Variants in ATP2B3 observed in about 807,000 individuals in gnomAD.
The protein encoded by ATP2B3 is ATPase plasma membrane Ca2+ transporting 3.
In ATP2B3, 12 loss-of-function variants were observed where a neutral mutation model predicts 70.8. The observed-to-expected ratio is 0.17, with a 90% CI of 0.11 to 0.27. The LOEUF (loss-of-function observed/expected upper bound fraction) is 0.27. Ranked by LOEUF, ATP2B3 falls within the 10% of genes least tolerant of loss-of-function variation. The pLI is 1.00. For missense variants in ATP2B3, 858 were observed against 1,118.5 expected (o/e 0.77, Z 3.32); for synonymous variants, 460 against 497.8 (o/e 0.92, Z 1.01).
chrX:153,518,739 C>A (rs1284508123), intron 2 of ATP2B3, among the ~76,000 whole-genome samples, 188 bp downstream of exon 2: 1 of 111,303 alleles, frequency 9.0e-6, no homozygotes, highest in Non-Finnish European at 1.9e-5. Context: ...GCGGTGAGGG[C>A]TCCATGAGGG....
intron 12 of ATP2B3, among the ~76,000 whole-genome samples, chrX:153,551,828 C>G (rs2090461289): frequency 8.9e-6 from 1 of 112,647 alleles, no homozygotes; most frequent in Admixed American, 9.3e-5. Context: ...TCCCACTCAG[C>G]CTTCCCGGAC....
intron 3 of ATP2B3, 131 bp from the exon 4 acceptor site, chrX:153,541,228 G>A: frequency 2.6e-6 from 2 of 780,213 alleles, no homozygotes; most frequent in South Asian, 2.5e-5. Flanking sequence ...GCCAGGCGCT[G>A]GCCAGACGGC....
At chrX:153,534,365 A>G (rs2090159612) in intron 2 of ATP2B3, among the ~76,000 whole-genome samples, 1 of 111,876 alleles carries the variant, frequency 8.9e-6, no homozygotes, top group Admixed American at 9.4e-5. Context: ...TCGTCCACAC[A>G]GCACCCCCAG....
At chrX:153,543,939 G>T (rs1179527884) in intron 7 of ATP2B3, among the ~76,000 whole-genome samples, 1 of 111,519 alleles carries the variant, frequency 9.0e-6, no homozygotes. Context: ...CAGTGCGCGG[G>T]GTGTGGGGGC....
chrX:153,571,263 G>A lies in ATP2B3; in HGVS notation c.3342+6160G>A, dbSNP rs73629349. Among the ~76,000 whole-genome samples the A allele has an allele frequency of 6.5e-3, 733 of 112,555 alleles. 4 individuals are homozygous for A. Among genetic ancestry groups the A allele is most frequent in the African/African-American group, 0.023 (717 of 31,065 alleles). ...AGTCAGTTAAAGCCAGAAATGGTTC[G>A]TGGCCTCCCAGCACCTTCCTTCCTG... is the stretch of plus-strand genomic sequence containing the variant. On this transcript the variant is annotated intron_variant, in intron 21 of 21. Coordinates refer to ENST00000263519, the MANE Select transcript of ATP2B3 (RefSeq NM_001001344.3).
chrX:153,546,292 G>T (rs1241853038), intron 8 of ATP2B3, among the ~76,000 whole-genome samples, 163 bp downstream of exon 8: 2 of 112,258 alleles, frequency 1.8e-5, no homozygotes, highest in African/African-American at 6.5e-5. Flanking sequence ...TGCAGAGGGA[G>T]GAGAGAGCAC....
rs782630869 is a variant in ATP2B3, at chrX:153,542,458, AC to A, written c.790+13del. 8.3e-7 allele frequency: 1 copy of A among 1,206,696 alleles called. No individual in the cohort carries two copies. Among genetic ancestry groups the A allele is most frequent in the Non-Finnish European group, 1.1e-6 (1 of 893,570 alleles). ...CCCATGCTGCTCTCAGGTGAGGGCC[AC>A]CCTCCGGGCCAGCCTGGCACCAAGG... On this transcript the variant is annotated intron_variant, in intron 6 of 21. Coordinates refer to ENST00000263519, the MANE Select transcript of ATP2B3 (RefSeq NM_001001344.3).
At chrX:153,531,628 C>T (rs1243155548) in intron 2 of ATP2B3, among the ~76,000 whole-genome samples, 4 of 112,597 alleles carry the variant, frequency 3.6e-5, no homozygotes, top group Non-Finnish European at 7.5e-5. Flanking sequence ...CTTCTTGCTT[C>T]GGGGCCACGG....
Position 153,550,057 on chromosome X carries a change from G to A in ATP2B3, c.1594G>A (p.Glu532Lys). 1 of 1,210,622 alleles carries A rather than the reference G, an allele frequency of 8.3e-7. No homozygotes were observed. Among genetic ancestry groups the A allele is most frequent in the Middle Eastern group, 2.3e-4 (1 of 4,258 alleles). ...YTTKILPPEK[E>K]GALPRQVGNK... The stretch of plus-strand genomic sequence containing the variant: ...CGTCATCTTGCAGCCTCCTGAGAAG[G>A]AAGGCGCCCTCCCACGCCAGGTGGG... The change falls in exon 12 of 22, where the codon GAA becomes AAA. Residue 532 changes from glutamate (E) to lysine (K), a missense_variant. Glu to Lys is a moderately conservative substitution (Grantham distance 56). Around this residue, in one of 5 missense-constraint regions of ATP2B3, gnomAD observed 242 missense variants for 281.3 expected, o/e 0.86. Coordinates refer to ENST00000263519, the MANE Select transcript of ATP2B3 (RefSeq NM_001001344.3).
At chrX:153,523,545 A>T (rs782238732) in intron 2 of ATP2B3, among the ~76,000 whole-genome samples, 6 of 111,939 alleles carry the variant, frequency 5.4e-5, no homozygotes, top group African/African-American at 1.9e-4. Flanking sequence ...AGCATTAGAT[A>T]TTTTAATCAA....
intron 2 of ATP2B3, among the ~76,000 whole-genome samples, chrX:153,526,563 C>T (rs1487315712): frequency 1.4e-4 from 16 of 112,025 alleles, no homozygotes; most frequent in Non-Finnish European, 7.5e-5. Flanking sequence ...CAGCAATGCT[C>T]AGTTCACGCG....
intron 3 of ATP2B3, among the ~76,000 whole-genome samples, 197 bp downstream of exon 3, chrX:153,536,652 G>A (rs1296491647): frequency 8.9e-6 from 1 of 112,417 alleles, no homozygotes; most frequent in African/African-American, 3.2e-5. Flanking sequence ...ACAATCAGGA[G>A]TTCTCCGCTC....
intron 12 of ATP2B3, among the ~76,000 whole-genome samples, chrX:153,552,176 C>A (rs1482819355): frequency 8.9e-6 from 1 of 112,472 alleles, no homozygotes; most frequent in Non-Finnish European, 1.9e-5. Context: ...GCACTGCGGA[C>A]AAAAGGCCCA....
chrX:153,542,987 G>A (rs1290970309), intron 6 of ATP2B3, 56 bp from the exon 7 acceptor site: 3 of 1,174,162 alleles, frequency 2.6e-6, no homozygotes, highest in Non-Finnish European at 3.4e-6. Flanking sequence ...GGCGCTGAAT[G>A]TGTCTCCCAC....
At chrX:153,556,574 T>A (rs1557013779) in intron 15 of ATP2B3, among the ~76,000 whole-genome samples, 156 bp downstream of exon 15, 1 of 111,989 alleles carries the variant, frequency 8.9e-6, no homozygotes. Context: ...CAGGGGCCCA[T>A]GAGGGAACCA....
chrX:153,547,916 A>G lies in ATP2B3; in HGVS notation c.1040A>G (p.Lys347Arg). ...GGTGGGGAGATGGAGGAGCGGGAGA[A>G]GAAGAAAGCCAACGCACCCAAAAAG... ...AEGGEMEERE[K>R]KKANAPKKEK... The change falls in exon 9 of 22, where the codon AAG (lysine) becomes AGG (arginine). Residue 347 changes from lysine to arginine, a missense_variant. Physicochemically the swap from Lys to Arg is conservative, Grantham distance 26 (BLOSUM62 2). Around this residue, in one of 5 missense-constraint regions of ATP2B3, gnomAD observed 278 missense variants for 366.2 expected, o/e 0.76. Transcript: ENST00000263519. 1 of 1,211,259 alleles carries G rather than the reference A, an allele frequency of 8.3e-7. No individual in the cohort carries two copies.
chrX:153,564,653 T>A (rs2090675548), intron 20 of ATP2B3, among the ~76,000 whole-genome samples: 1 of 112,747 alleles, frequency 8.9e-6, no homozygotes. Context: ...CAACAGACAC[T>A]TACTTTCTCG....
intron 21 of ATP2B3, among the ~76,000 whole-genome samples, chrX:153,577,707 A>C (rs1256687115): frequency 8.9e-6 from 1 of 112,518 alleles, no homozygotes; most frequent in Non-Finnish European, 1.9e-5. Context: ...GCTTTCCCGA[A>C]TGCAGAGAAA....
At chrX:153,541,111 G>A (rs899987623) in intron 3 of ATP2B3, among the ~76,000 whole-genome samples, 3 of 112,139 alleles carry the variant, frequency 2.7e-5, no homozygotes, top group East Asian at 5.7e-4. Context: ...TGTGTGTCAG[G>A]AGGAGGATGG....
Sources: gnomAD v4.1 joint callset for allele counts (sites outside exome capture counted in the v4.1 genomes callset) on GRCh38, gnomAD v4.1.1 for gene constraint, gnomAD v4.1.1 regional missense constraint, MANE v1.5 for transcripts, NCBI Gene and HGNC (gene_info 2026-07-23, HGNC 2026-07-21) for gene names.